The following DOCK2 variants were observed in gnomAD, a reference collection of about 807,000 sequenced individuals.
The protein encoded by DOCK2 is dedicator of cytokinesis 2, also known as dedicator of cytokinesis protein 2.
A neutral mutation model predicts 248.9 loss-of-function variants in DOCK2; 87 were observed. The ratio of observed to expected loss-of-function variants is 0.35; its 90% CI spans 0.29 to 0.42. DOCK2 has a LOEUF of 0.42. Ranked by LOEUF, DOCK2 falls within the 10% of genes least tolerant of loss-of-function variation. The probability of loss-of-function intolerance (pLI) is 1.00; values close to 1 mark genes in which losing one functional copy is unlikely to be tolerated. For missense variants in DOCK2, 1,747 were observed against 2,300.2 expected (o/e 0.76, Z 4.92); for synonymous variants, 805 against 821.6 (o/e 0.98, Z 0.35).
Position 169,882,621 on chromosome 5 carries a change from G to T in DOCK2, c.2799+41769G>T, listed in dbSNP as rs757980684. On this transcript the variant is annotated intron_variant, in intron 27 of 51. Transcript: ENST00000520908. ...TCAAAAGGACTTTAATTTTCTCTTGGTTCGAGTGCAGAGATTCCTCCACAG... is the reference window on the plus strand; with the variant it reads ...TCAAAAGGACTTTAATTTTCTCTTGTTTCGAGTGCAGAGATTCCTCCACAG... The T allele has an allele frequency of 1.5e-5, 23 of 1,551,680 alleles. No individual in the cohort carries two copies. Among genetic ancestry groups the T allele is most frequent in the Non-Finnish European group, 2.0e-5 (23 of 1,146,956 alleles).
intron 27 of DOCK2, chr5:169,864,397 T>A: frequency 6.4e-7 from 1 of 1,551,246 alleles, no homozygotes; most frequent in Non-Finnish European, 8.7e-7. Context: ...TGGCTCTGCT[T>A]CCTCCAGACT....
intron 14 of DOCK2, among the ~76,000 whole-genome samples, chr5:169,706,610 T>C (rs985426581): frequency 2.6e-5 from 4 of 152,226 alleles, no homozygotes; most frequent in African/African-American, 9.7e-5. Context: ...AGCATGTTTT[T>C]AGCTCAGTGC....
intron 1 of DOCK2, among the ~76,000 whole-genome samples, chr5:169,649,601 G>C (rs1757684985): frequency 6.6e-6 from 1 of 152,180 alleles, no homozygotes; most frequent in Non-Finnish European, 1.5e-5. Flanking sequence ...CAGTGTATGT[G>C]TAATAGAGTG....
At chr5:170,035,124 C>T (rs1756277947) in intron 35 of DOCK2, among the ~76,000 whole-genome samples, 1 of 152,236 alleles carries the variant, frequency 6.6e-6, no homozygotes, top group African/African-American at 2.4e-5. Context: ...GACCCAAGTT[C>T]TTAACCCCTA....
intron 19 of DOCK2, among the ~76,000 whole-genome samples, chr5:169,715,821 C>G (rs916971688): frequency 1.2e-4 from 18 of 152,084 alleles, no homozygotes; most frequent in Admixed American, 1.3e-4. Flanking sequence ...TCCTGACAAC[C>G]ATCATTGTAG....
intron 21 of DOCK2, 126 bp from the exon 22 acceptor site, chr5:169,718,531 C>A: frequency 1.0e-6 from 1 of 978,940 alleles, no homozygotes; most frequent in Non-Finnish European, 1.4e-6. Flanking sequence ...TTTATGCTTA[C>A]AAATGAGTAA....
rs75036400 is a variant in DOCK2, at chr5:169,940,146, A to G, written c.2800-42922A>G. Among the ~76,000 whole-genome samples the G allele has an allele frequency of 0.011, 1,731 of 152,194 alleles. 73 individuals carry two copies. The East Asian group carries it at 0.13, about 12-fold the overall frequency. On this transcript the variant is annotated intron_variant, in intron 27 of 51. Coordinates refer to ENST00000520908, the MANE Select transcript of DOCK2 (RefSeq NM_004946.3). The stretch of plus-strand genomic sequence containing the variant: ...CTATTGAAGTAGCGCCTTCTTCCAC[A>G]GTTTTCTGTGTGTGTATTCTACAGA...
At chr5:169,757,566 G>T (rs1196772694) in intron 23 of DOCK2, among the ~76,000 whole-genome samples, 1 of 152,060 alleles carries the variant, frequency 6.6e-6, no homozygotes, top group Non-Finnish European at 1.5e-5. Context: ...TAAATCTCTA[G>T]ATACAAAATC....
At chr5:169,776,679 A>G (rs1765404356) in intron 25 of DOCK2, among the ~76,000 whole-genome samples, 1 of 152,194 alleles carries the variant, frequency 6.6e-6, no homozygotes, top group South Asian at 2.1e-4. Flanking sequence ...GGGTGGAACC[A>G]GGTGAAGATA....
chr5:169,815,654 A>AC (rs1768023912), intron 26 of DOCK2, among the ~76,000 whole-genome samples: 1 of 152,210 alleles, frequency 6.6e-6, no homozygotes, highest in Non-Finnish European at 1.5e-5. Flanking sequence ...AATTTTTTAA[A>AC]CAAAAAAATT....
At chr5:170,056,918 A>G (rs775616370) in intron 43 of DOCK2, 150 bp downstream of exon 43, 25 of 666,444 alleles carry the variant, frequency 3.8e-5, no homozygotes, top group East Asian at 2.8e-5. Flanking sequence ...CCGTTCCCCA[A>G]TCTCTTCCAT....
At chr5:169,839,303 G>A (rs1408375004) in intron 26 of DOCK2, among the ~76,000 whole-genome samples, 1 of 152,182 alleles carries the variant, frequency 6.6e-6, no homozygotes, top group Non-Finnish European at 1.5e-5. Context: ...ACCCAGGCAT[G>A]TAAGTTCTTC....
intron 27 of DOCK2, among the ~76,000 whole-genome samples, chr5:169,868,978 G>A (rs1771770272): frequency 6.6e-6 from 1 of 152,144 alleles, no homozygotes; most frequent in African/African-American, 2.4e-5. Context: ...CCCTGGGCAA[G>A]TTTCTTCTCT....
chr5:169,976,389 G>C (rs1777718924), intron 27 of DOCK2, among the ~76,000 whole-genome samples: 1 of 152,148 alleles, frequency 6.6e-6, no homozygotes. Context: ...TGAGCATGAA[G>C]CTGACCTCAT....
chr5:170,031,277 A>G (rs992193551), intron 34 of DOCK2, among the ~76,000 whole-genome samples: 1 of 152,194 alleles, frequency 6.6e-6, no homozygotes, highest in Non-Finnish European at 1.5e-5. Context: ...GTCACAGGTC[A>G]TTTCATTTCA....
chr5:170,074,828 C>T (rs2113873853), intron 46 of DOCK2, among the ~76,000 whole-genome samples: 1 of 152,298 alleles, frequency 6.6e-6, no homozygotes, highest in South Asian at 2.1e-4. Context: ...TACAGAACTT[C>T]AACACATTCC....
intron 25 of DOCK2, among the ~76,000 whole-genome samples, chr5:169,781,752 T>C (rs1765725247): frequency 6.6e-6 from 1 of 152,168 alleles, no homozygotes. Context: ...CCTGGAACTC[T>C]ACCACTTTCT....
At chr5:169,958,770 T>C (rs1312789049) in intron 27 of DOCK2, among the ~76,000 whole-genome samples, 1 of 152,156 alleles carries the variant, frequency 6.6e-6, no homozygotes, top group African/African-American at 2.4e-5. Context: ...CAGGAGGGGC[T>C]GTCATTCATC....
At position 169,883,458 on chromosome 5, in the gene DOCK2, G is replaced by T. The variant is rs781227256; in HGVS notation, c.2799+42606G>T. On this transcript the variant is annotated intron_variant, in intron 27 of 51. Coordinates refer to ENST00000520908, the MANE Select transcript of DOCK2 (RefSeq NM_004946.3). Reference sequence around the variant, plus strand: ...GCTGAGCCAACCTTAAGTAGGCAAGGTCAGAAGACACAATGTCCTGTTCAG... The same window carrying T: ...GCTGAGCCAACCTTAAGTAGGCAAGTTCAGAAGACACAATGTCCTGTTCAG... The T allele has an allele frequency of 5.2e-6, 8 of 1,551,550 alleles. No individual in the cohort carries two copies. The highest frequency in any genetic ancestry group is 2.0e-5 in the Admixed American group (1 of 50,974).
Sources: gnomAD v4.1 joint callset for allele counts (sites outside exome capture counted in the v4.1 genomes callset) on GRCh38, gnomAD v4.1.1 for gene constraint, MANE v1.5 for transcripts, NCBI Gene and HGNC (gene_info 2026-07-23, HGNC 2026-07-21) for gene names.